Variants in BACH2 observed in about 807,000 individuals in gnomAD.
BACH2 encodes the protein transcription regulator protein BACH2.
In BACH2, 5 loss-of-function variants were observed where a neutral mutation model predicts 61.8. That is an observed-to-expected ratio of 0.08 (90% CI 0.04 to 0.17). The LOEUF is 0.17. Ranked by LOEUF, BACH2 falls within the 10% of genes least tolerant of loss-of-function variation. BACH2 has a pLI of 1.00. For missense variants in BACH2, 824 were observed against 1,091.1 expected, an observed-to-expected ratio of 0.76 and a Z score of 3.45; for synonymous variants, 446 against 440.1, an observed-to-expected ratio of 1.01 and a Z score of -0.17.
intron 6 of BACH2, among the ~76,000 whole-genome samples, chr6:89,985,843 C>A (rs889801190): frequency 1.3e-5 from 2 of 152,176 alleles, no homozygotes; most frequent in Non-Finnish European, 2.9e-5. Flanking sequence ...GACACCAGGG[C>A]TAGGAGGAAG....
chr6:89,943,242 A>G (rs1002657278), intron 7 of BACH2, among the ~76,000 whole-genome samples: 1 of 152,060 alleles, frequency 6.6e-6, no homozygotes, highest in Non-Finnish European at 1.5e-5. Flanking sequence ...GTCTGCACCA[A>G]CGAGGCAGAG....
chr6:90,016,664 T>C (rs919236737), intron 5 of BACH2, among the ~76,000 whole-genome samples: 2 of 152,218 alleles, frequency 1.3e-5, no homozygotes, highest in African/African-American at 4.8e-5. Context: ...CAATTACCTT[T>C]TAAAAAGATA....
chr6:90,223,805 T>C (rs1360784378), intron 3 of BACH2, among the ~76,000 whole-genome samples: 1 of 152,156 alleles, frequency 6.6e-6, no homozygotes, highest in Non-Finnish European at 1.5e-5. Context: ...ATCCAGAATA[T>C]GATTTACTTC....
intron 4 of BACH2, among the ~76,000 whole-genome samples, chr6:90,198,605 C>G (rs1421743092): frequency 6.6e-6 from 1 of 152,200 alleles, no homozygotes; most frequent in Non-Finnish European, 1.5e-5. Flanking sequence ...GATGTTAAGT[C>G]AGGCCACATG....
intron 4 of BACH2, among the ~76,000 whole-genome samples, chr6:90,094,749 G>A (rs999994778): frequency 2.9e-4 from 44 of 152,116 alleles, no homozygotes; most frequent in African/African-American, 1.1e-3. Flanking sequence ...GCATCTCAAT[G>A]GGAATGACAC....
intron 6 of BACH2, among the ~76,000 whole-genome samples, chr6:89,986,814 T>A (rs1776266366): frequency 6.6e-6 from 1 of 152,208 alleles, no homozygotes; most frequent in Non-Finnish European, 1.5e-5. Context: ...ATAACTTCAT[T>A]TCTGGTTTTG....
chr6:90,238,584 T>C (rs1482865359), intron 3 of BACH2, among the ~76,000 whole-genome samples: 3 of 152,154 alleles, frequency 2.0e-5, no homozygotes, highest in Admixed American at 6.5e-5. Flanking sequence ...GGGAAAAAGC[T>C]AAAGTGAGGG....
intron 4 of BACH2, among the ~76,000 whole-genome samples, chr6:90,197,484 G>A (rs1395226867): frequency 6.6e-6 from 1 of 152,062 alleles, no homozygotes; most frequent in African/African-American, 2.4e-5. Flanking sequence ...ATCTATTAAG[G>A]CCTACTAATT....
At chr6:89,976,548 T>C (rs1775663205) in intron 6 of BACH2, among the ~76,000 whole-genome samples, 1 of 152,228 alleles carries the variant, frequency 6.6e-6, no homozygotes, top group Admixed American at 6.5e-5. Flanking sequence ...GTCTTCTCTT[T>C]TACTCAACTC....
intron 2 of BACH2, among the ~76,000 whole-genome samples, chr6:90,268,051 C>T (rs9353715): frequency 0.1 from 15,354 of 150,652 alleles, 1,098 homozygotes; most frequent in East Asian, 0.36. Flanking sequence ...CTCTGTCGCC[C>T]AGGCTAGAGT....
chr6:90,217,626 T>C (rs1769584450), intron 3 of BACH2, among the ~76,000 whole-genome samples: 1 of 152,216 alleles, frequency 6.6e-6, no homozygotes, highest in African/African-American at 2.4e-5. Flanking sequence ...ATCTACTCAC[T>C]ATTCTTTTAT....
chr6:90,039,041 C>CA lies in BACH2; in HGVS notation c.-12-30186dup, dbSNP rs779828857. 3.7e-3 allele frequency among the ~76,000 whole-genome samples: 380 copies of CA among 101,744 alleles called. 2 individuals are homozygous for CA. The highest frequency in any genetic ancestry group is 8.3e-3 in the Admixed American group (82 of 9,824). 66.7% of individuals were successfully genotyped at this position (101,744 alleles called of 152,430 possible). On this transcript the variant is annotated intron_variant, in intron 5 of 8. Transcript: ENST00000257749. ...GGAAACAAGAGTGAAACTCCGTCTC[C>CA]AAAAAAAAAAAAAAAAGTTTACATA... is the stretch of plus-strand genomic sequence containing the variant.
rs1777529582 is a variant in BACH2, at chr6:90,008,438, G to A, written c.243+164C>T. 6.6e-6 allele frequency among the ~76,000 whole-genome samples: 1 copy of A among 152,194 alleles called. No homozygotes were observed. Among genetic ancestry groups the A allele is most frequent in the Non-Finnish European group, 1.5e-5 (1 of 68,042 alleles). On this transcript the variant is annotated intron_variant, in intron 6 of 8. Coordinates refer to ENST00000257749, the MANE Select transcript of BACH2 (RefSeq NM_021813.4). This position sits in a 1 kb window ranked among gnomAD's most constrained non-coding sequence, Gnocchi z 4.1. ...ACATTCTGTGCCTCTGAGACTTTAA[G>A]TGTATCAAATAGAAACTGACTATGC...
intron 6 of BACH2, among the ~76,000 whole-genome samples, chr6:89,963,667 C>T (rs1774881613): frequency 6.6e-6 from 1 of 152,136 alleles, no homozygotes; most frequent in African/African-American, 2.4e-5. Flanking sequence ...TAAAAAATTA[C>T]AAATAGAACT....
At chr6:90,183,183 T>C (rs567017742) in intron 4 of BACH2, among the ~76,000 whole-genome samples, 1 of 152,362 alleles carries the variant, frequency 6.6e-6, no homozygotes, top group African/African-American at 2.4e-5. Flanking sequence ...TGAGATTATC[T>C]ACTGAAATAA....
chr6:90,009,676 T>A (rs1004154129), intron 5 of BACH2, among the ~76,000 whole-genome samples: 3 of 152,266 alleles, frequency 2.0e-5, no homozygotes, highest in African/African-American at 7.2e-5. Context: ...CTTTTTCTTT[T>A]TTTTGAGAGG....
intron 1 of BACH2, among the ~76,000 whole-genome samples, chr6:90,280,745 C>T (rs367591621): frequency 6.6e-6 from 1 of 152,142 alleles, no homozygotes; most frequent in Non-Finnish European, 1.5e-5. Context: ...GGTATTGTGG[C>T]CCCAGTCAAG....
intron 4 of BACH2, among the ~76,000 whole-genome samples, chr6:90,154,057 A>G (rs983503508): frequency 1.3e-5 from 2 of 152,204 alleles, no homozygotes; most frequent in Admixed American, 6.5e-5. Context: ...TATCTCTTTT[A>G]AAATAGGGAC....
chr6:90,072,928 T>C (rs778181138), intron 5 of BACH2, among the ~76,000 whole-genome samples: 1 of 152,204 alleles, frequency 6.6e-6, no homozygotes, highest in Non-Finnish European at 1.5e-5. Flanking sequence ...CTGAAATGTA[T>C]GAAATCTAAC....
Sources: gnomAD v4.1 joint callset for allele counts (sites outside exome capture counted in the v4.1 genomes callset) on GRCh38, gnomAD v4.1.1 for gene constraint, Gnocchi (gnomAD v3.1) non-coding constraint, MANE v1.5 for transcripts, NCBI Gene and HGNC (gene_info 2026-07-23, HGNC 2026-07-21) for gene names.